Variants in PRKCQ observed in about 807,000 individuals in gnomAD.
The protein encoded by PRKCQ is protein kinase C theta.
PRKCQ carries 41 observed loss-of-function variants against 91.2 expected under a neutral mutation model. The observed-to-expected ratio is 0.45, with a 90% CI of 0.35 to 0.58. The LOEUF (loss-of-function observed/expected upper bound fraction) is 0.58, where lower values mean the gene tolerates loss of function less well. Ranked by LOEUF, PRKCQ falls within the 20% of genes least tolerant of loss-of-function variation. The probability of loss-of-function intolerance (pLI) is 0.00; values close to 1 mark genes in which losing one functional copy is unlikely to be tolerated. For missense variants in PRKCQ, 673 were observed against 896.5 expected, an observed-to-expected ratio of 0.75 and a Z score of 3.18; for synonymous variants, 307 against 316.9, an observed-to-expected ratio of 0.97 and a Z score of 0.33.
chr10:6,526,502 G>T (rs141870643), intron 1 of PRKCQ, among the ~76,000 whole-genome samples: 6 of 152,252 alleles, frequency 3.9e-5, no homozygotes, highest in Non-Finnish European at 2.9e-5. Context: ...GCGGCAGGGA[G>T]GGCTTTGCTG....
At chr10:6,575,129 A>T (rs1841181690) in intron 1 of PRKCQ, among the ~76,000 whole-genome samples, 1 of 152,250 alleles carries the variant, frequency 6.6e-6, no homozygotes, top group African/African-American at 2.4e-5. Context: ...ACAGAGTTGC[A>T]TGACATTATA....
chr10:6,508,843 A>C (rs1838327826), intron 3 of PRKCQ, among the ~76,000 whole-genome samples: 1 of 152,220 alleles, frequency 6.6e-6, no homozygotes, highest in Non-Finnish European at 1.5e-5. Flanking sequence ...ATTCCAGCAC[A>C]TTTTGGGGAG....
chr10:6,487,436 C>CT (rs1379959751), intron 8 of PRKCQ, among the ~76,000 whole-genome samples: 1 of 152,184 alleles, frequency 6.6e-6, no homozygotes, highest in African/African-American at 2.4e-5. Context: ...AGCGTGGACA[C>CT]TGTGTGACCT....
chr10:6,526,120 T>C (rs915440395), intron 1 of PRKCQ, among the ~76,000 whole-genome samples: 3 of 152,266 alleles, frequency 2.0e-5, no homozygotes, highest in African/African-American at 4.8e-5. Flanking sequence ...TTTATTTTCA[T>C]TATTTGAAAT....
At chr10:6,436,810 C>A (rs879804082) in intron 16 of PRKCQ, among the ~76,000 whole-genome samples, 1 of 63,108 alleles carries the variant, frequency 1.6e-5, no homozygotes, top group Non-Finnish European at 5.0e-5. Flanking sequence ...TGGAAGGAAC[C>A]CTTTCTTCCC....
the PRKCQ span, among the ~76,000 whole-genome samples, chr10:6,420,117 T>A: frequency 0.019 from 2,959 of 152,216 alleles, 113 homozygotes; most frequent in African/African-American, 0.069. Flanking sequence ...GCCTCCTGAG[T>A]AGCTGGGATT....
At chr10:6,542,042 CTG>C (rs773127605) in intron 1 of PRKCQ, among the ~76,000 whole-genome samples, 16 of 152,360 alleles carry the variant, frequency 1.1e-4, no homozygotes, top group Non-Finnish European at 1.5e-4. Context: ...TTCCTCAACT[CTG>C]TCAGAGGCAG....
intron 1 of PRKCQ, among the ~76,000 whole-genome samples, chr10:6,527,586 C>A (rs1839243603): frequency 1.3e-5 from 2 of 152,144 alleles, no homozygotes; most frequent in Non-Finnish European, 2.9e-5. Context: ...TCTCAGGCCC[C>A]CCAAACCAGT....
the PRKCQ span, among the ~76,000 whole-genome samples, chr10:6,412,725 G>A: frequency 0.048 from 7,326 of 152,282 alleles, 285 homozygotes; most frequent in South Asian, 0.14. Context: ...CCTATCTCAC[G>A]TCATATATTA....
At chr10:6,451,896 T>C (rs1834706796) in intron 15 of PRKCQ, among the ~76,000 whole-genome samples, 2 of 152,312 alleles carry the variant, frequency 1.3e-5, no homozygotes, top group Admixed American at 6.5e-5. Flanking sequence ...CTAAAAACTC[T>C]CAATAAATTA....
intron 7 of PRKCQ, 108 bp downstream of exon 7, chr10:6,496,927 T>C (rs1374188788): frequency 1.0e-6 from 1 of 1,003,662 alleles, no homozygotes; most frequent in East Asian, 2.4e-5. Flanking sequence ...TGTTCACTGA[T>C]AAATGGGAGG....
At chr10:6,396,690 A>G in the PRKCQ span, among the ~76,000 whole-genome samples, 4 of 152,216 alleles carry the variant, frequency 2.6e-5, no homozygotes, top group African/African-American at 9.7e-5. Flanking sequence ...TCATCAGTTG[A>G]TGCACATTTG....
intron 7 of PRKCQ, among the ~76,000 whole-genome samples, chr10:6,496,353 G>C (rs1022992638): frequency 6.6e-6 from 1 of 151,862 alleles, no homozygotes; most frequent in African/African-American, 2.4e-5. Context: ...CCCTCCATTA[G>C]GTAAAATGTA....
At chr10:6,490,018 G>A (rs1028696866) in intron 8 of PRKCQ, among the ~76,000 whole-genome samples, 1 of 152,072 alleles carries the variant, frequency 6.6e-6, no homozygotes. Context: ...TGTGGATACC[G>A]TCAGGATGCA....
At chr10:6,500,691 C>T (rs1360267303) in intron 4 of PRKCQ, among the ~76,000 whole-genome samples, 2 of 151,808 alleles carry the variant, frequency 1.3e-5, no homozygotes, top group Non-Finnish European at 2.9e-5. Flanking sequence ...TGAATGAGCT[C>T]ATTGGTTTTT....
the PRKCQ span, among the ~76,000 whole-genome samples, chr10:6,398,616 C>T: frequency 0.21 from 31,411 of 152,136 alleles, 3,573 homozygotes; most frequent in Non-Finnish European, 0.25. Flanking sequence ...TGGACGTTTA[C>T]CCATCATTTC....
intron 1 of PRKCQ, among the ~76,000 whole-genome samples, chr10:6,577,472 A>G (rs1204228382): frequency 1.3e-5 from 2 of 152,224 alleles, no homozygotes; most frequent in Non-Finnish European, 2.9e-5. Context: ...AACAACAGAA[A>G]CAGCAAGCAT....
At chr10:6,444,707 TAC>T (rs56151404) in intron 15 of PRKCQ, among the ~76,000 whole-genome samples, 145,831 of 150,920 alleles carry the variant, frequency 0.97, 70,600 homozygotes, top group East Asian at 1. Flanking sequence ...CACACATAAA[TAC>T]ACACACACAC....
chr10:6,564,177 G>T lies in PRKCQ; in HGVS notation c.-10+16034C>A, dbSNP rs930165743. ...GGGATTCTATTTTGCAGGTGATATG[G>T]AGTAACCAAAGAGCTTTGCAGGGGA... On this transcript the variant is annotated intron_variant, in intron 1 of 17. Coordinates refer to ENST00000263125, the MANE Select transcript of PRKCQ (RefSeq NM_006257.5). 2.6e-5 allele frequency among the ~76,000 whole-genome samples: 4 copies of T among 152,272 alleles called. No homozygotes were observed. The South Asian group carries it at 8.3e-4, about 32-fold the overall frequency.
Sources: gnomAD v4.1 joint callset for allele counts (sites outside exome capture counted in the v4.1 genomes callset) on GRCh38, gnomAD v4.1.1 for gene constraint, MANE v1.5 for transcripts, NCBI Gene and HGNC (gene_info 2026-07-23, HGNC 2026-07-21) for gene names.